METTL25: variants seen among roughly 807,000 people sequenced by gnomAD.
METTL25 encodes probable methyltransferase-like protein 25.
METTL25 carries 64 observed loss-of-function variants against 71.6 expected under a neutral mutation model. The ratio of observed to expected loss-of-function variants is 0.89; its 90% CI spans 0.73 to 1.10. The LOEUF (loss-of-function observed/expected upper bound fraction) is 1.10. Among genes scored for constraint, METTL25 ranks in the 50% least tolerant of loss-of-function variants. METTL25 has a pLI of 0.00. For synonymous variants in METTL25, 287 were observed against 250.3 expected, an observed-to-expected ratio of 1.15 and a Z score of -1.38; for missense variants, 807 against 707.0, an observed-to-expected ratio of 1.14 and a Z score of -1.60.
rs1217775803 is a variant in METTL25 at position 82,398,832 on chromosome 12, C to G, written c.569C>G (p.Ser190Cys). 1.9e-6 allele frequency: 3 copies of G among 1,575,804 alleles called. No individual in the cohort carries two copies. The highest frequency in any genetic ancestry group is 2.6e-6 in the Non-Finnish European group (3 of 1,168,852). The change falls in exon 4 of 12, where the codon TCT becomes TGT. Residue 190 changes from serine (S) to cysteine (C), a missense_variant. Coordinates refer to ENST00000248306, the MANE Select transcript of METTL25 (RefSeq NM_032230.3). ...GGTTCCGGTAAAGGCTACCTAAGCT[C>G]TTTTTTGTCCTTGAAGTATGGCTTA... ...DLGSGKGYLSSFLSLKYGLKV... is the reference protein window; with the variant it reads ...DLGSGKGYLSCFLSLKYGLKV...
chr12:82,442,543 A>G (rs938787137), intron 8 of METTL25, among the ~76,000 whole-genome samples: 2 of 152,164 alleles, frequency 1.3e-5, no homozygotes, highest in Admixed American at 6.6e-5. Flanking sequence ...ATAGAATGAC[A>G]AGGTATTAGT....
intron 9 of METTL25, among the ~76,000 whole-genome samples, chr12:82,463,184 C>G (rs1237982234): frequency 6.6e-6 from 1 of 152,008 alleles, no homozygotes; most frequent in East Asian, 1.9e-4. Flanking sequence ...TCTTATCTAG[C>G]CATAATTTTA....
intron 7 of METTL25, among the ~76,000 whole-genome samples, chr12:82,435,027 A>G (rs1388373314): frequency 6.6e-6 from 1 of 151,548 alleles, no homozygotes; most frequent in Non-Finnish European, 1.5e-5. Context: ...TTAGGTGCTT[A>G]GTTCAAGCAA....
intron 1 of METTL25, among the ~76,000 whole-genome samples, chr12:82,382,042 T>A (rs1001500855): frequency 2.6e-5 from 4 of 152,186 alleles, no homozygotes; most frequent in African/African-American, 9.7e-5. Flanking sequence ...TTTCAGGTAA[T>A]GTAAAGGCTT....
chr12:82,450,730 T>C (rs1891082084), intron 8 of METTL25, among the ~76,000 whole-genome samples: 1 of 152,188 alleles, frequency 6.6e-6, no homozygotes, highest in Admixed American at 6.6e-5. Flanking sequence ...CCAGATACGC[T>C]AATTTCCTTA....
At chr12:82,431,124 G>GA (rs965753993) in intron 6 of METTL25, 137 bp downstream of exon 6, 42 of 448,736 alleles carry the variant, frequency 9.4e-5, no homozygotes, top group African/African-American at 7.9e-4. Flanking sequence ...GAAATTATAA[G>GA]AAAAAAATGA....
chr12:82,400,621 T>C (rs971709804), intron 4 of METTL25, among the ~76,000 whole-genome samples: 1 of 152,058 alleles, frequency 6.6e-6, no homozygotes, highest in African/African-American at 2.4e-5. Context: ...TTTGTCACCT[T>C]CTAATTTTCT....
intron 2 of METTL25, among the ~76,000 whole-genome samples, chr12:82,389,195 A>G (rs1030186859): frequency 2.0e-5 from 3 of 152,044 alleles, no homozygotes; most frequent in Admixed American, 2.0e-4. Context: ...GCAATGAGGG[A>G]AATGTTCTGT....
intron 5 of METTL25, among the ~76,000 whole-genome samples, chr12:82,412,702 A>G (rs1887645012): frequency 6.6e-6 from 1 of 152,078 alleles, no homozygotes; most frequent in Admixed American, 6.6e-5. Context: ...TCAGATGCTA[A>G]ATATATATTT....
At chr12:82,476,339 G>A (rs1365889487) in intron 9 of METTL25, 1 of 249,850 alleles carries the variant, frequency 4.0e-6, no homozygotes, top group Non-Finnish European at 7.6e-6. Context: ...ATCTCCTCCT[G>A]TGTGTCCAAA....
At chr12:82,475,982 G>T (rs1892856756) in intron 9 of METTL25, among the ~76,000 whole-genome samples, 1 of 151,944 alleles carries the variant, frequency 6.6e-6, no homozygotes, top group Non-Finnish European at 1.5e-5. Context: ...TTGGATTAGG[G>T]ATACTCAACC....
rs1892295399 is a variant in METTL25 at position 82,467,289 on chromosome 12, A to G, written c.1573-9355A>G. Among the ~76,000 whole-genome samples, 3 of 151,790 alleles carry G rather than the reference A, an allele frequency of 2.0e-5. No homozygotes were observed. The South Asian group carries it at 6.2e-4, about 32-fold the overall frequency. ...TCTTTTTTTGTCTTGCTTACCTCTT[A>G]TTTATTTTTATGATTGGGTGGTTTT... is the stretch of plus-strand genomic sequence containing the variant. On this transcript the variant is annotated intron_variant, in intron 9 of 11. Transcript: ENST00000248306.
chr12:82,369,524 C>A (rs1231888282), intron 1 of METTL25: 1 of 444,902 alleles, frequency 2.2e-6, no homozygotes, highest in Non-Finnish European at 4.5e-6. Flanking sequence ...GGTTCATGGT[C>A]CTGCTGACTT....
chr12:82,437,760 T>A (rs1330591545), intron 7 of METTL25, among the ~76,000 whole-genome samples: 1 of 151,756 alleles, frequency 6.6e-6, no homozygotes, highest in African/African-American at 2.4e-5. Flanking sequence ...TACCAGTCAT[T>A]GGACAGTTTT....
intron 8 of METTL25, among the ~76,000 whole-genome samples, chr12:82,442,089 C>T (rs1421397465): frequency 2.0e-5 from 3 of 152,030 alleles, no homozygotes; most frequent in Non-Finnish European, 2.9e-5. Context: ...CCCCTCGTTT[C>T]CCCTACTAGG....
At position 82,417,328 on chromosome 12, in the gene METTL25, T is replaced by TA. The variant is rs563637639; in HGVS notation, c.1280-13559dup. 1.6e-4 allele frequency among the ~76,000 whole-genome samples: 25 copies of TA among 152,282 alleles called. No homozygotes were observed. In the South Asian group the frequency reaches 5.2e-3, roughly 32 times the overall value. ...GTGACACACAAAAAGGAAGCTTTAA[T>TA]AAAAAACTTTCAACGATGAATGAAC... On this transcript the variant is annotated intron_variant, in intron 5 of 11. Transcript: ENST00000248306.
intron 5 of METTL25, among the ~76,000 whole-genome samples, chr12:82,419,846 CA>C (rs1888319860): frequency 6.6e-6 from 1 of 152,094 alleles, no homozygotes; most frequent in Admixed American, 6.6e-5. Flanking sequence ...TTTGATTCAG[CA>C]TTCTGACTTT....
chr12:82,409,841 GA>G (rs916425073), intron 5 of METTL25, among the ~76,000 whole-genome samples: 1 of 152,074 alleles, frequency 6.6e-6, no homozygotes, highest in Admixed American at 6.6e-5. Flanking sequence ...AAAAACAGTA[GA>G]GGGTCACGAA....
rs775113897 is a variant in METTL25, at chr12:82,438,729, A to G, written c.1416A>G (p.Glu472=). The G allele has an allele frequency of 6.7e-7, 1 of 1,496,932 alleles. No individual in the cohort carries two copies. Among genetic ancestry groups the G allele is most frequent in the South Asian group, 1.4e-5 (1 of 71,222 alleles). The allele number at this position is 1,496,932 out of a possible 1,614,324, so 92.7% of individuals were successfully genotyped here. ...TACATTTTTTTCAGCTGCCTACTGA[A>G]TCACTCTTCTATCGTGCTGTTCTTC... is the stretch of plus-strand genomic sequence containing the variant. ...RVAAGQGLPT[E]SLFYRAVLQD... The change falls in exon 8 of 12, where the codon GAA becomes GAG. Residue 472 remains glutamate, a synonymous_variant. Coordinates refer to ENST00000248306, the MANE Select transcript of METTL25 (RefSeq NM_032230.3).
Sources: gnomAD v4.1 joint callset for allele counts (sites outside exome capture counted in the v4.1 genomes callset) on GRCh38, gnomAD v4.1.1 for gene constraint, MANE v1.5 for transcripts, NCBI Gene and HGNC (gene_info 2026-07-23, HGNC 2026-07-21) for gene names.